The following C8orf74 variants were observed in gnomAD, a reference collection of about 807,000 sequenced individuals.
The protein encoded by C8orf74 is chromosome 8 open reading frame 74.
Under a neutral mutation model 22.2 loss-of-function variants are expected in C8orf74, and 29 were observed. The ratio of observed to expected loss-of-function variants is 1.31; its 90% CI spans 0.97 to 1.78. The LOEUF (loss-of-function observed/expected upper bound fraction) is 1.78, where lower values mean the gene tolerates loss of function less well. C8orf74 is among the 40% of genes most tolerant of loss of function. C8orf74 has a pLI of 0.00. For missense variants in C8orf74, 515 were observed against 369.9 expected, an observed-to-expected ratio of 1.39 and a Z score of -3.22; for synonymous variants, 255 against 163.1, an observed-to-expected ratio of 1.56 and a Z score of -4.30.
At chr8:10,681,769 C>T (rs928936990) in intron 2 of C8orf74, among the ~76,000 whole-genome samples, 2 of 152,222 alleles carry the variant, frequency 1.3e-5, no homozygotes, top group Non-Finnish European at 2.9e-5. Flanking sequence ...TATGGCCAGG[C>T]CCGCCAATCC....
In C8orf74 at chr8:10,697,624, G is replaced by A. The variant is rs267601699; in HGVS notation, c.267G>A (p.Thr89=). The change falls in exon 3 of 4, where the codon ACG becomes ACA. Residue 89 remains threonine (T), a synonymous_variant. Coordinates refer to ENST00000304519, the MANE Select transcript of C8orf74 (RefSeq NM_001040032.2). ...TKGCSITEAV[T]ILGNKLRDYR... ...GCTGCTCCATTACTGAGGCTGTGAC[G>A]ATCCTGGGGAACAAGCTTAGAGATT... The A allele has an allele frequency of 1.1e-5, 17 of 1,613,896 alleles. No homozygotes were observed. Among genetic ancestry groups the A allele is most frequent in the East Asian group, 2.2e-5 (1 of 44,884 alleles).
chr8:10,697,703 C>A lies in C8orf74; in HGVS notation c.346C>A (p.His116Asn). The part of the protein sequence containing the change: ...HLLALCDYFH[H>N]TFIRHYKLYQ... ...GCTGGCCCTCTGTGACTACTTCCAC[C>A]ACACCTTCATCCGCCACTACAAACT... The change falls in exon 3 of 4, where the codon CAC (histidine) becomes AAC (asparagine). Residue 116 changes from histidine to asparagine, a missense_variant. Physicochemically the swap from His to Asn is moderately conservative, Grantham distance 68. Coordinates refer to ENST00000304519, the MANE Select transcript of C8orf74 (RefSeq NM_001040032.2). 6.2e-7 allele frequency: 1 copy of A among 1,614,000 alleles called. No individual in the cohort carries two copies. The highest frequency in any genetic ancestry group is 1.3e-5 in the African/African-American group (1 of 75,064).
intron 2 of C8orf74, among the ~76,000 whole-genome samples, chr8:10,678,163 T>C (rs1799071780): frequency 6.6e-6 from 1 of 151,998 alleles, no homozygotes; most frequent in Non-Finnish European, 1.5e-5. Flanking sequence ...AGGCTGGGGG[T>C]CCAGAGGGAA....
At chr8:10,684,909 C>T (rs969578913) in intron 2 of C8orf74, among the ~76,000 whole-genome samples, 7 of 152,148 alleles carry the variant, frequency 4.6e-5, no homozygotes, top group South Asian at 4.2e-4. Context: ...CGCTGAGATA[C>T]GTCGACGGCC....
At chr8:10,700,188 G>A (rs746759282) in intron 3 of C8orf74, 47 bp from the exon 4 acceptor site, 29 of 1,277,564 alleles carry the variant, frequency 2.3e-5, no homozygotes, top group East Asian at 4.7e-5. Context: ...AACTGGATCC[G>A]GCGAGGCTCC....
intron 3 of C8orf74, among the ~76,000 whole-genome samples, chr8:10,698,903 A>C (rs1045804088): frequency 1.2e-4 from 7 of 59,216 alleles, no homozygotes; most frequent in Non-Finnish European, 1.8e-4. Context: ...CACACACACC[A>C]CACACACACA....
Position 10,700,465 on chromosome 8 carries a change from G to A in C8orf74, c.879G>A (p.Arg293=). The A allele has an allele frequency of 6.3e-7, 1 of 1,575,040 alleles. No homozygotes were observed. Among genetic ancestry groups the A allele is most frequent in the Non-Finnish European group, 8.6e-7 (1 of 1,160,016 alleles). Residue 293 remains arginine (R), a synonymous_variant, in exon 4 of 4, where the codon AGG becomes AGA. Transcript: ENST00000304519. The part of the protein sequence containing the change: ...RASKGKKAKA[R]K ...GCAAAGGAAAGAAAGCGAAGGCAAG[G>A]AAGTAGAAGGTCCCGACTGCCACAC... is the stretch of plus-strand genomic sequence containing the variant.
rs1799375126 is a variant in C8orf74, at chr8:10,691,274, GGAT to G, written c.242-6321_242-6319del. On this transcript the variant is annotated intron_variant, in intron 2 of 3. Coordinates refer to ENST00000304519, the MANE Select transcript of C8orf74 (RefSeq NM_001040032.2). The stretch of plus-strand genomic sequence containing the variant: ...CATGGCCACAGTGGGGCATCGGCCA[GGAT>G]GATAAGCCGCCAGGACACCCAGGCA... 1.3e-5 allele frequency: 3 copies of G among 236,788 alleles called. No homozygotes were observed. In the South Asian group the frequency reaches 1.8e-4, roughly 14 times the overall value. 14.7% of individuals were successfully genotyped at this position (236,788 alleles called of 1,614,324 possible).
intron 2 of C8orf74, among the ~76,000 whole-genome samples, chr8:10,681,763 GCCAGGCCCGCCAATC>G (rs1359025920): frequency 6.6e-6 from 1 of 152,172 alleles, no homozygotes; most frequent in Non-Finnish European, 1.5e-5. Context: ...TTTGCATATG[GCCAGGCCCGCCAATC>G]CCAGGCCTGG....
chr8:10,692,013 C>G (rs1240326863), intron 2 of C8orf74: 1 of 152,854 alleles, frequency 6.5e-6, no homozygotes, highest in Non-Finnish European at 1.5e-5. Context: ...GCCTTTCCCA[C>G]CATCCTCTGG....
intron 3 of C8orf74, among the ~76,000 whole-genome samples, chr8:10,698,821 T>G (rs1799587957): frequency 6.6e-6 from 1 of 151,364 alleles, no homozygotes; most frequent in South Asian, 2.1e-4. Context: ...GGCCTGTGAG[T>G]TCCAAGGGAT....
chr8:10,698,041 G>T (rs571818155), intron 3 of C8orf74, 36 bp downstream of exon 3: 2 of 1,439,538 alleles, frequency 1.4e-6, no homozygotes, highest in Admixed American at 5.5e-5. Flanking sequence ...GTGGGCACCT[G>T]GGCCTGCAGA....
intron 2 of C8orf74, among the ~76,000 whole-genome samples, chr8:10,696,477 GCT>G (rs1799504753): frequency 1.1e-5 from 1 of 90,144 alleles, no homozygotes; most frequent in Non-Finnish European, 2.0e-5. Flanking sequence ...ATGGAGTCTT[GCT>G]CTGTTTCCCA....
intron 2 of C8orf74, among the ~76,000 whole-genome samples, chr8:10,687,742 A>G (rs929074296): frequency 6.6e-6 from 1 of 152,196 alleles, no homozygotes; most frequent in East Asian, 1.9e-4. Context: ...ATCATTGCAC[A>G]AATTAGGAAT....
At chr8:10,681,474 A>G (rs1254143920) in intron 2 of C8orf74, among the ~76,000 whole-genome samples, 1 of 152,078 alleles carries the variant, frequency 6.6e-6, no homozygotes, top group Non-Finnish European at 1.5e-5. Flanking sequence ...TCAGGAGAGG[A>G]GAGGGATGTG....
chr8:10,688,695 G>A (rs531601642), intron 2 of C8orf74: 1 of 152,442 alleles, frequency 6.6e-6, no homozygotes, highest in African/African-American at 2.4e-5. Context: ...GCCAGTCCGG[G>A]CCCATCCTGA....
chr8:10,695,589 G>C (rs922026084), intron 2 of C8orf74, among the ~76,000 whole-genome samples: 2 of 152,206 alleles, frequency 1.3e-5, no homozygotes, highest in East Asian at 3.9e-4. Context: ...GGAGATTCAA[G>C]GTGAATATTT....
chr8:10,675,996 G>A (rs1318830081), intron 2 of C8orf74, among the ~76,000 whole-genome samples: 1 of 152,156 alleles, frequency 6.6e-6, no homozygotes, highest in African/African-American at 2.4e-5. Context: ...TGTTCAGGGT[G>A]AGGGTCTGGA....
At chr8:10,690,920 C>A (rs1323617792) in intron 2 of C8orf74, 1 of 456,156 alleles carries the variant, frequency 2.2e-6, no homozygotes, top group Admixed American at 2.3e-5. Flanking sequence ...TCCCAGCAGC[C>A]AATGCAAATG....
Sources: allele counts gnomAD v4.1 joint callset (sites outside exome capture counted in the v4.1 genomes callset), GRCh38; gene constraint gnomAD v4.1.1; transcripts MANE v1.5; gene names NCBI Gene and HGNC (gene_info 2026-07-23, HGNC 2026-07-21).